MYH11: variants seen among roughly 807,000 people sequenced by gnomAD.
The protein encoded by MYH11 is myosin heavy chain 11, also known as myosin-11.
MYH11 carries 80 observed loss-of-function variants against 246.6 expected under a neutral mutation model. That is an observed-to-expected ratio of 0.32 (90% CI 0.27 to 0.39). MYH11 has a LOEUF of 0.39. Among genes scored for constraint, MYH11 ranks in the 10% least tolerant of loss-of-function variants. The probability of loss-of-function intolerance (pLI) is 1.00; values close to 1 mark genes in which losing one functional copy is unlikely to be tolerated. For missense variants in MYH11, 2,158 were observed against 2,546.8 expected (o/e 0.85, Z 3.29); for synonymous variants, 1,071 against 1,015.5 (o/e 1.05, Z -1.04).
At chr16:15,836,606 G>T (rs577997909) in intron 2 of MYH11, among the ~76,000 whole-genome samples, 10 of 151,864 alleles carry the variant, frequency 6.6e-5, no homozygotes, top group African/African-American at 2.2e-4. Context: ...TACCATGTTG[G>T]CCAGGCTTGT....
chr16:15,798,760 T>A (rs1381196818), intron 3 of MYH11, 73 bp from the exon 4 acceptor site: 2 of 1,449,842 alleles, frequency 1.4e-6, no homozygotes, highest in Non-Finnish European at 1.9e-6. Flanking sequence ...ACTTGGCTCC[T>A]CCCAGGGCCC....
intron 11 of MYH11, among the ~76,000 whole-genome samples, chr16:15,760,048 G>A (rs964053991): frequency 2.6e-5 from 4 of 152,020 alleles, no homozygotes; most frequent in Admixed American, 1.3e-4. Flanking sequence ...AGTGAGCTGC[G>A]ATGGCACCAC....
chr16:15,731,490 T>C (rs79363102), intron 27 of MYH11, among the ~76,000 whole-genome samples: 1 of 120,764 alleles, frequency 8.3e-6, no homozygotes, highest in Non-Finnish European at 1.6e-5. Flanking sequence ...CTATTCATTC[T>C]TTTTTTTTTT....
In MYH11 at chr16:15,737,625, A is replaced by G; in HGVS notation, c.3122-5T>C. 2 of 1,611,420 alleles carry G rather than the reference A, an allele frequency of 1.2e-6. No individual in the cohort carries two copies. The highest frequency in any genetic ancestry group is 1.1e-5 in the South Asian group (1 of 91,086). Reference sequence around the variant, plus strand: ...TCTCTTCCTTCTTTAGCCGCACTGCAAAAACCAAGGTGCTCTTCAGGAAGG... The same window carrying G: ...TCTCTTCCTTCTTTAGCCGCACTGCGAAAACCAAGGTGCTCTTCAGGAAGG... On this transcript the variant is annotated splice_polypyrimidine_tract_variant and splice_region_variant and intron_variant, in intron 24 of 40. Transcript: ENST00000300036.
At chr16:15,782,807 T>A in intron 5 of MYH11, 1 of 361,360 alleles carries the variant, frequency 2.8e-6, no homozygotes. Context: ...TGATGAATGG[T>A]GCCCCCCGGA....
Position 15,724,768 on chromosome 16 carries a change from A to G in MYH11, c.3995T>C (p.Leu1332Pro). 1.2e-6 allele frequency: 2 copies of G among 1,614,044 alleles called. No homozygotes were observed. The highest frequency in any genetic ancestry group is 1.7e-6 in the Non-Finnish European group (2 of 1,180,020). The stretch of plus-strand genomic sequence containing the variant: ...CTGGCGCAGCTTCGTAGACACGTTG[A>G]GCTTCTGCCGGGTTTCTTCTTGAAG... ...ELLQEETRQK[L>P]NVSTKLRQLE... Residue 1332 changes from leucine (L) to proline (P), a missense_variant, in exon 30 of 41, where the codon CTC becomes CCC. By Grantham distance (98) the Leu-to-Pro change is moderately conservative. Transcript: ENST00000300036.
At chr16:15,829,082 T>C (rs1021031011) in intron 2 of MYH11, among the ~76,000 whole-genome samples, 1 of 149,288 alleles carries the variant, frequency 6.7e-6, no homozygotes, top group Non-Finnish European at 1.5e-5. Flanking sequence ...TACTCAGGAG[T>C]CTGAGGCAGG....
chr16:15,836,818 G>A (rs1217065729), intron 2 of MYH11, among the ~76,000 whole-genome samples: 6 of 138,042 alleles, frequency 4.3e-5, no homozygotes, highest in East Asian at 2.2e-4. Flanking sequence ...TCTGCCTCCC[G>A]GGTTCAAGCA....
intron 1 of MYH11, among the ~76,000 whole-genome samples, chr16:15,855,111 A>G (rs1054744979): frequency 6.6e-5 from 10 of 152,210 alleles, no homozygotes; most frequent in African/African-American, 9.7e-5. Context: ...TAACAAATCC[A>G]TAACAGATAC....
intron 40 of MYH11, among the ~76,000 whole-genome samples, chr16:15,707,329 T>TA (rs1400176337): frequency 2.0e-5 from 3 of 152,142 alleles, no homozygotes; most frequent in Non-Finnish European, 4.4e-5. Context: ...GTGCCTGGCC[T>TA]AGCATTTGGA....
rs148860465 is a variant in MYH11, at chr16:15,844,604, C to A, written c.-17-6335G>T. On this transcript the variant is annotated intron_variant, in intron 1 of 40. Coordinates refer to ENST00000300036, the MANE Select transcript of MYH11 (RefSeq NM_002474.3). ...GCTGGCAGTAGCCCACATGTATAAT[C>A]CCATATTTTGGGAGGCCAAGGCAGG... Among the ~76,000 whole-genome samples the A allele has an allele frequency of 3.3e-3, 510 of 152,314 alleles. 6 individuals are homozygous for A. Among genetic ancestry groups the A allele is most frequent in the Admixed American group, 0.028 (426 of 15,298 alleles).
intron 3 of MYH11, among the ~76,000 whole-genome samples, chr16:15,800,261 C>T (rs969857763): frequency 4.7e-5 from 7 of 150,058 alleles, no homozygotes; most frequent in Non-Finnish European, 7.4e-5. Context: ...GGTAAATGGA[C>T]GGGAGGATAA....
At chr16:15,705,984 C>CAAAAAAAAAAAAAAAAAAAAAAAA (rs57451847) in intron 40 of MYH11, among the ~76,000 whole-genome samples, 2 of 56,768 alleles carry the variant, frequency 3.5e-5, no homozygotes, top group Non-Finnish European at 5.5e-5. Context: ...GACTCCGTCT[C>CAAAAAAAAAAAAAAAAAAAAAAAA]AAAAAAAAAA....
chr16:15,791,258 C>T (rs1302299539), intron 4 of MYH11: 1 of 152,108 alleles, frequency 6.6e-6, no homozygotes, highest in Non-Finnish European at 1.5e-5. Context: ...ACTCAGCCAG[C>T]ATTTTCATTT....
intron 20 of MYH11, 87 bp from the exon 21 acceptor site, chr16:15,741,978 G>T: frequency 6.4e-7 from 1 of 1,559,680 alleles, no homozygotes; most frequent in East Asian, 2.3e-5. Flanking sequence ...TCCGAGCCAG[G>T]GACAATGTTG....
chr16:15,754,636 T>C (rs1222314798), intron 14 of MYH11, among the ~76,000 whole-genome samples: 3 of 152,190 alleles, frequency 2.0e-5, no homozygotes, highest in Non-Finnish European at 1.5e-5. Flanking sequence ...TATTTTTGGC[T>C]TGGCAAGTCA....
intron 2 of MYH11, among the ~76,000 whole-genome samples, chr16:15,834,526 CAA>C (rs1242104484): frequency 8.1e-5 from 9 of 110,440 alleles, no homozygotes; most frequent in Non-Finnish European, 1.2e-4. Flanking sequence ...AATTCCATCT[CAA>C]AAAAAAAAAA....
intron 3 of MYH11, among the ~76,000 whole-genome samples, chr16:15,811,563 G>A (rs2043137663): frequency 6.6e-6 from 1 of 152,022 alleles, no homozygotes; most frequent in Admixed American, 6.6e-5. Flanking sequence ...GTGAACCCAG[G>A]TCCTGACCTA....
intron 40 of MYH11, among the ~76,000 whole-genome samples, chr16:15,708,213 T>G (rs1395653344): frequency 1.3e-5 from 2 of 152,128 alleles, no homozygotes; most frequent in African/African-American, 4.8e-5. Context: ...GCCCCCGGCA[T>G]TTGTCAGACA....
Sources: gnomAD v4.1 joint callset for allele counts (sites outside exome capture counted in the v4.1 genomes callset) on GRCh38, gnomAD v4.1.1 for gene constraint, MANE v1.5 for transcripts, NCBI Gene and HGNC (gene_info 2026-07-23, HGNC 2026-07-21) for gene names.